The following GRM1 variants were observed in gnomAD, a reference collection of about 807,000 sequenced individuals.
GRM1 encodes metabotropic glutamate receptor 1.
In GRM1, 33 loss-of-function variants were observed where a neutral mutation model predicts 90.9. The observed-to-expected ratio is 0.36, with a 90% CI of 0.28 to 0.49. GRM1 has a LOEUF of 0.49. Among genes scored for constraint, GRM1 ranks in the 20% least tolerant of loss-of-function variants. GRM1 has a pLI of 0.99. For missense variants in GRM1, 1,190 were observed against 1,534.3 expected (o/e 0.78, Z 3.75); for synonymous variants, 700 against 613.2 (o/e 1.14, Z -2.09).
In GRM1 at chr6:146,244,717, A is replaced by G. The variant is rs576090136; in HGVS notation, c.951-59894A>G. 1.9e-3 allele frequency among the ~76,000 whole-genome samples: 295 copies of G among 152,114 alleles called. 1 individual carries two copies. Among genetic ancestry groups the G allele is most frequent in the African/African-American group, 7.0e-3 (290 of 41,496 alleles). ...GTGTGTAATAGAAGTTTTGTGTCAA[A>G]CTCCTTGCTAGGTTGGAGACAGCCC... On this transcript the variant is annotated intron_variant, in intron 2 of 7. Transcript: ENST00000282753.
At chr6:146,131,793 A>G (rs954849010) in intron 1 of GRM1, among the ~76,000 whole-genome samples, 1 of 152,228 alleles carries the variant, frequency 6.6e-6, no homozygotes, top group Non-Finnish European at 1.5e-5. Flanking sequence ...GGCATCAAGC[A>G]AACAACCACA....
At chr6:146,211,717 A>G (rs190281394) in intron 2 of GRM1, among the ~76,000 whole-genome samples, 2 of 152,366 alleles carry the variant, frequency 1.3e-5, no homozygotes, top group Admixed American at 6.5e-5. Flanking sequence ...GACAATAAAC[A>G]ACAATAAGTA....
At chr6:146,129,340 C>G (rs1208421835) in intron 1 of GRM1, among the ~76,000 whole-genome samples, 1 of 152,094 alleles carries the variant, frequency 6.6e-6, no homozygotes, top group African/African-American at 2.4e-5. Flanking sequence ...GGATATATGG[C>G]CTTCTTCTTG....
chr6:146,085,669 G>A (rs1035527307), intron 1 of GRM1, among the ~76,000 whole-genome samples: 1 of 152,090 alleles, frequency 6.6e-6, no homozygotes, highest in African/African-American at 2.4e-5. Context: ...TTCATAAAAA[G>A]AGGAGAAAAA....
intron 5 of GRM1, among the ~76,000 whole-genome samples, chr6:146,385,517 G>A (rs897849428): frequency 1.3e-4 from 20 of 151,920 alleles, no homozygotes; most frequent in Admixed American, 1.3e-4. Flanking sequence ...AATAGAAGCT[G>A]AGAGAGGTCA....
intron 5 of GRM1, among the ~76,000 whole-genome samples, chr6:146,376,708 T>G (rs1776111588): frequency 6.6e-6 from 1 of 152,142 alleles, no homozygotes; most frequent in Admixed American, 6.6e-5. Context: ...GAATCCTTTC[T>G]TCATCCTTTA....
At chr6:146,344,932 C>A (rs1433385306) in intron 3 of GRM1, among the ~76,000 whole-genome samples, 5 of 152,172 alleles carry the variant, frequency 3.3e-5, no homozygotes, top group African/African-American at 1.2e-4. Flanking sequence ...CTGCCTCAGC[C>A]TCCCTAGTAG....
At chr6:146,348,903 G>A (rs1785276049) in intron 3 of GRM1, among the ~76,000 whole-genome samples, 1 of 152,332 alleles carries the variant, frequency 6.6e-6, no homozygotes, top group South Asian at 2.1e-4. Context: ...AGAACAAGGA[G>A]TGAGGAGGCA....
Position 146,146,103 on chromosome 6 carries a change from C to CTTTTTTTT in GRM1, c.701-13216_701-13209dup, listed in dbSNP as rs35329703. On this transcript the variant is annotated intron_variant, in intron 1 of 7. Coordinates refer to ENST00000282753, the MANE Select transcript of GRM1 (RefSeq NM_001278064.2). ...CTGTGCCTATGTACTACCATTGTATCTTTTTTTTTTTTTTTTTTTTTTTTT... is the reference window on the plus strand; with the variant it reads ...CTGTGCCTATGTACTACCATTGTATCTTTTTTTTTTTTTTTTTTTTTTTTTTTTTTTTT... Among the ~76,000 whole-genome samples, 39 of 19,988 alleles carry CTTTTTTTT rather than the reference C, an allele frequency of 2.0e-3. 16 individuals are homozygous for CTTTTTTTT. The highest frequency in any genetic ancestry group is 3.6e-3 in the Non-Finnish European group (34 of 9,440). The allele number at this position is 19,988 out of a possible 152,430, so 13.1% of individuals were successfully genotyped here. A position where few individuals can be genotyped will look rare whatever the true frequency, so the allele number is the denominator to read the frequency against.
intron 1 of GRM1, among the ~76,000 whole-genome samples, chr6:146,140,271 G>T (rs1041015761): frequency 6.7e-6 from 1 of 149,110 alleles, no homozygotes; most frequent in Admixed American, 6.7e-5. Context: ...TTATTATTAT[G>T]ATTATTATTA....
intron 1 of GRM1, among the ~76,000 whole-genome samples, chr6:146,075,376 T>G (rs973494149): frequency 6.6e-6 from 1 of 152,212 alleles, no homozygotes; most frequent in Non-Finnish European, 1.5e-5. Flanking sequence ...CAAAATTGTT[T>G]GTCCTCAGAG....
chr6:146,076,592 G>A (rs1326293197), intron 1 of GRM1, among the ~76,000 whole-genome samples: 1 of 152,174 alleles, frequency 6.6e-6, no homozygotes, highest in Admixed American at 6.5e-5. Context: ...GTAACCGGAA[G>A]GATGGAGTTG....
At chr6:146,295,155 G>A (rs2114897868) in intron 2 of GRM1, among the ~76,000 whole-genome samples, 1 of 151,882 alleles carries the variant, frequency 6.6e-6, no homozygotes, top group African/African-American at 2.4e-5. Context: ...TGGATTAGTT[G>A]GATATTTTAA....
intron 5 of GRM1, among the ~76,000 whole-genome samples, chr6:146,381,122 C>T (rs1277397200): frequency 2.0e-5 from 3 of 152,160 alleles, no homozygotes; most frequent in Admixed American, 6.5e-5. Context: ...CCTTAGCTGC[C>T]CCAGCTGTTG....
chr6:146,386,155 G>A (rs1387173931), intron 5 of GRM1, among the ~76,000 whole-genome samples: 3 of 152,022 alleles, frequency 2.0e-5, no homozygotes, highest in African/African-American at 7.2e-5. Flanking sequence ...TCTACAAGAC[G>A]TGCACTTCAA....
intron 3 of GRM1, among the ~76,000 whole-genome samples, chr6:146,321,083 T>G (rs1194641404): frequency 6.6e-6 from 1 of 152,226 alleles, no homozygotes; most frequent in Non-Finnish European, 1.5e-5. Context: ...ATTTTATATC[T>G]TTCTCACTTT....
chr6:146,196,042 T>C (rs1779103322), intron 2 of GRM1, among the ~76,000 whole-genome samples: 1 of 152,146 alleles, frequency 6.6e-6, no homozygotes, highest in Non-Finnish European at 1.5e-5. Context: ...GGTATCCCAG[T>C]TTGGATAATT....
At chr6:146,393,319 A>G (rs759798946) in intron 6 of GRM1, among the ~76,000 whole-genome samples, 3 of 152,094 alleles carry the variant, frequency 2.0e-5, no homozygotes, top group Admixed American at 2.0e-4. Context: ...TATTGGCCAC[A>G]TAAGTGTCTT....
chr6:146,028,481 C>G (rs1790581295), upstream of GRM1, among the ~76,000 whole-genome samples: 1 of 151,866 alleles, frequency 6.6e-6, no homozygotes, highest in Non-Finnish European at 1.5e-5. Context: ...TTTCTAGCAA[C>G]TATGCAAACC....
Sources: gnomAD v4.1 joint callset for allele counts (sites outside exome capture counted in the v4.1 genomes callset) on GRCh38, gnomAD v4.1.1 for gene constraint, MANE v1.5 for transcripts, NCBI Gene and HGNC (gene_info 2026-07-23, HGNC 2026-07-21) for gene names.